IL1RAPL2: variants seen among roughly 807,000 people sequenced by gnomAD.
IL1RAPL2 encodes the protein interleukin 1 receptor accessory protein like 2.
Under a neutral mutation model 44.1 loss-of-function variants are expected in IL1RAPL2, and 3 were observed. The observed-to-expected ratio is 0.07, with a 90% CI of 0.03 to 0.18. The LOEUF (loss-of-function observed/expected upper bound fraction) is 0.18. Among genes scored for constraint, IL1RAPL2 ranks in the 10% least tolerant of loss-of-function variants. The pLI, the probability that IL1RAPL2 is intolerant of heterozygous loss-of-function variation, is 1.00. For synonymous variants in IL1RAPL2, 181 were observed against 178.8 expected (o/e 1.01, Z -0.10); for missense variants, 391 against 496.4 (o/e 0.79, Z 2.02).
intron 2 of IL1RAPL2, among the ~76,000 whole-genome samples, chrX:104,918,372 A>C (rs1924527137): frequency 8.9e-6 from 1 of 111,739 alleles, no homozygotes; most frequent in Non-Finnish European, 1.9e-5. Flanking sequence ...CTCATTCATC[A>C]ACAAGTGATC....
chrX:104,731,849 TAAAG>T (rs1368551878), intron 2 of IL1RAPL2, among the ~76,000 whole-genome samples: 4 of 111,839 alleles, frequency 3.6e-5, no homozygotes, highest in African/African-American at 9.7e-5. Context: ...TAAAAATAAT[TAAAG>T]AAATAATTAG....
chrX:105,542,678 T>A (rs755387393), intron 6 of IL1RAPL2, among the ~76,000 whole-genome samples: 120 of 101,634 alleles, frequency 1.2e-3, no homozygotes, highest in African/African-American at 4.5e-3. Context: ...CTTTTTTTTT[T>A]ATTTTTTATA....
chrX:105,024,624 T>C (rs1378108003), intron 2 of IL1RAPL2, among the ~76,000 whole-genome samples: 4 of 111,398 alleles, frequency 3.6e-5, no homozygotes, highest in African/African-American at 1.3e-4. Flanking sequence ...AAATATTTAC[T>C]GGTTGAGCAG....
rs199873291 is a variant in IL1RAPL2 at position 105,305,869 on chromosome X, C to T, written c.697+38328C>T. On this transcript the variant is annotated intron_variant, in intron 5 of 10. Coordinates refer to ENST00000372582, the MANE Select transcript of IL1RAPL2 (RefSeq NM_017416.2). ...AGAACTATTCTTTTTCCCCTTTCTC[C>T]CCGTCATTATTGTATTTATCAAGAA... Among the ~76,000 whole-genome samples the T allele has an allele frequency of 2.7e-5, 3 of 111,459 alleles. No individual in the cohort carries two copies. In the East Asian group the frequency reaches 8.4e-4, roughly 31 times the overall value.
At chrX:105,183,222 T>A (rs944337503) in intron 2 of IL1RAPL2, among the ~76,000 whole-genome samples, 4 of 111,087 alleles carry the variant, frequency 3.6e-5, no homozygotes, top group Non-Finnish European at 7.6e-5. Flanking sequence ...TCTGTTGCTG[T>A]AGGATGGGCG....
intron 1 of IL1RAPL2, among the ~76,000 whole-genome samples, chrX:104,650,029 G>A (rs1930123420): frequency 9.0e-6 from 1 of 111,638 alleles, no homozygotes; most frequent in Non-Finnish European, 1.9e-5. Flanking sequence ...ACTCCAATGA[G>A]AGGAATACTA....
chrX:105,584,493 G>A (rs1353259306), intron 6 of IL1RAPL2, among the ~76,000 whole-genome samples: 1 of 106,260 alleles, frequency 9.4e-6, no homozygotes, highest in Non-Finnish European at 1.9e-5. Flanking sequence ...ATTTCTTTAT[G>A]TGTAACATGT....
At chrX:104,882,373 C>T (rs190657345) in intron 2 of IL1RAPL2, among the ~76,000 whole-genome samples, 1 of 112,094 alleles carries the variant, frequency 8.9e-6, no homozygotes, top group African/African-American at 3.2e-5. Context: ...AATTAGTTGC[C>T]TTGTTGGAAG....
At chrX:105,064,252 A>G (rs1021797026) in intron 2 of IL1RAPL2, among the ~76,000 whole-genome samples, 6 of 111,951 alleles carry the variant, frequency 5.4e-5, no homozygotes, top group Non-Finnish European at 9.4e-5. Flanking sequence ...TGGCACTCAA[A>G]CCATGAGATG....
At chrX:104,746,757 C>T (rs1259517478) in intron 2 of IL1RAPL2, among the ~76,000 whole-genome samples, 2 of 111,442 alleles carry the variant, frequency 1.8e-5, no homozygotes, top group Non-Finnish European at 3.8e-5. Context: ...AAGCCCCATT[C>T]CTGTTTATTT....
intron 2 of IL1RAPL2, among the ~76,000 whole-genome samples, chrX:104,935,803 C>G (rs1421953216): frequency 3.6e-5 from 4 of 111,513 alleles, no homozygotes; most frequent in Non-Finnish European, 7.5e-5. Context: ...TACAGGATCT[C>G]AGTTCTTGGA....
At chrX:104,719,643 T>C (rs1009281944) in intron 2 of IL1RAPL2, among the ~76,000 whole-genome samples, 16 of 111,550 alleles carry the variant, frequency 1.4e-4, no homozygotes, top group Admixed American at 1.2e-3. Context: ...ACTGAATGAA[T>C]GTTTAAAAGC....
intron 6 of IL1RAPL2, among the ~76,000 whole-genome samples, chrX:105,612,107 TG>T (rs1176466430): frequency 4.5e-5 from 5 of 111,114 alleles, no homozygotes; most frequent in Non-Finnish European, 3.8e-5. Flanking sequence ...TTTGTTTGTT[TG>T]TTTGTTTTTT....
At chrX:105,395,191 G>A (rs2035553031) in intron 5 of IL1RAPL2, among the ~76,000 whole-genome samples, 1 of 110,624 alleles carries the variant, frequency 9.0e-6, no homozygotes, top group Non-Finnish European at 1.9e-5. Context: ...ATTAGGAATA[G>A]TGATTAGAAT....
At chrX:104,827,223 A>T (rs750622767) in intron 2 of IL1RAPL2, among the ~76,000 whole-genome samples, 13 of 110,143 alleles carry the variant, frequency 1.2e-4, no homozygotes, top group Non-Finnish European at 1.9e-4. Flanking sequence ...CATAGTACTG[A>T]TGGTCTTTAC....
intron 2 of IL1RAPL2, among the ~76,000 whole-genome samples, chrX:105,119,574 T>C (rs925224790): frequency 9.0e-6 from 1 of 111,575 alleles, no homozygotes; most frequent in African/African-American, 3.3e-5. Context: ...CTAAATGTTT[T>C]TGACCTAATG....
intron 5 of IL1RAPL2, among the ~76,000 whole-genome samples, chrX:105,395,857 G>A (rs2035558960): frequency 8.9e-6 from 1 of 111,875 alleles, no homozygotes; most frequent in Non-Finnish European, 1.9e-5. Flanking sequence ...GAAATTGTTA[G>A]AAATGCAAAT....
intron 5 of IL1RAPL2, among the ~76,000 whole-genome samples, chrX:105,407,446 T>G (rs1182490099): frequency 9.0e-6 from 1 of 111,720 alleles, no homozygotes; most frequent in African/African-American, 3.3e-5. Context: ...TGCAATTATA[T>G]TTATTGAATA....
chrX:105,426,897 A>G (rs754154823), intron 5 of IL1RAPL2, among the ~76,000 whole-genome samples: 1 of 112,229 alleles, frequency 8.9e-6, no homozygotes, highest in Non-Finnish European at 1.9e-5. Flanking sequence ...GATAGTCCCA[A>G]TTACACTTCA....
Sources: gnomAD v4.1 joint callset for allele counts (sites outside exome capture counted in the v4.1 genomes callset) on GRCh38, gnomAD v4.1.1 for gene constraint, MANE v1.5 for transcripts, NCBI Gene and HGNC (gene_info 2026-07-23, HGNC 2026-07-21) for gene names.